Variants in ARHGAP24 observed in about 807,000 individuals in gnomAD.
The protein encoded by ARHGAP24 is rho GTPase-activating protein 24.
Under a neutral mutation model 76.4 loss-of-function variants are expected in ARHGAP24, and 50 were observed. That is an observed-to-expected ratio of 0.65 (90% CI 0.52 to 0.83). The LOEUF (loss-of-function observed/expected upper bound fraction) is 0.83. ARHGAP24 is among the 40% of genes least tolerant of loss of function. The pLI is 0.00. For missense variants in ARHGAP24, 930 were observed against 914.2 expected, an observed-to-expected ratio of 1.02 and a Z score of -0.22; for synonymous variants, 345 against 323.3, an observed-to-expected ratio of 1.07 and a Z score of -0.72.
At chr4:85,962,116 G>C (rs1226335585) in intron 5 of ARHGAP24, among the ~76,000 whole-genome samples, 1 of 152,038 alleles carries the variant, frequency 6.6e-6, no homozygotes, top group Non-Finnish European at 1.5e-5. Flanking sequence ...CACCCATTGT[G>C]CTTCAAGCCC....
In ARHGAP24 at chr4:85,852,275, C is replaced by T. The variant is rs142665990; in HGVS notation, c.269-71373C>T. ...GCTTCTGTGTGTGTCACGTAGTTCT[C>T]GTGTCATGGTTTTCAGCTCCTTCAG... On this transcript the variant is annotated intron_variant, in intron 3 of 9. Transcript: ENST00000395184. Among the ~76,000 whole-genome samples the T allele has an allele frequency of 5.0e-3, 758 of 152,322 alleles. 6 individuals carry two copies. Among genetic ancestry groups the T allele is most frequent in the African/African-American group, 0.017 (720 of 41,580 alleles).
intron 1 of ARHGAP24, among the ~76,000 whole-genome samples, chr4:85,495,334 G>A (rs1372805616): frequency 3.5e-5 from 5 of 142,120 alleles, no homozygotes; most frequent in Non-Finnish European, 6.1e-5. Context: ...AAGTACAGAA[G>A]TACAGAATTT....
intron 2 of ARHGAP24, among the ~76,000 whole-genome samples, chr4:85,679,905 G>C (rs1723136779): frequency 6.6e-6 from 1 of 152,116 alleles, no homozygotes; most frequent in African/African-American, 2.4e-5. Context: ...GGAAATAAAG[G>C]GTAGATAAGA....
intron 3 of ARHGAP24, among the ~76,000 whole-genome samples, chr4:85,745,525 A>G (rs1312511183): frequency 4.7e-5 from 7 of 149,670 alleles, no homozygotes; most frequent in African/African-American, 1.7e-4. Flanking sequence ...CAGGAGTTCA[A>G]GGCTTCAATG....
intron 2 of ARHGAP24, among the ~76,000 whole-genome samples, chr4:85,701,910 C>T (rs1177011160): frequency 3.3e-5 from 5 of 152,090 alleles, no homozygotes; most frequent in African/African-American, 9.7e-5. Flanking sequence ...AAACCATCTG[C>T]AATGTGGTCA....
chr4:85,722,526 AGGACAGCTCTGCC>A (rs1724992638), intron 3 of ARHGAP24: 2 of 158,598 alleles, frequency 1.3e-5, no homozygotes, highest in Non-Finnish European at 2.8e-5. Context: ...GGTAGAGCTG[AGGACAGCTCTGCC>A]AAGACATCAA....
chr4:85,643,716 C>G (rs896245321), intron 2 of ARHGAP24, among the ~76,000 whole-genome samples: 1 of 151,926 alleles, frequency 6.6e-6, no homozygotes, highest in Admixed American at 6.6e-5. Context: ...TTTACAAGAA[C>G]AGAGATCTTT....
chr4:85,951,124 A>C (rs1737590792), intron 5 of ARHGAP24, among the ~76,000 whole-genome samples: 1 of 152,070 alleles, frequency 6.6e-6, no homozygotes, highest in African/African-American at 2.4e-5. Context: ...TCAAGCTTGA[A>C]TCCCTTGGTC....
At position 86,000,528 on chromosome 4, in the gene ARHGAP24, G is replaced by A. The variant is rs564409087; in HGVS notation, c.2053G>A (p.Asp685Asn). 681 of 1,594,604 alleles carry A rather than the reference G, an allele frequency of 4.3e-4. 13 individuals carry two copies. The South Asian group carries it at 7.2e-3, about 17-fold the overall frequency. Residue 685 changes from aspartate (D) to asparagine (N), a missense_variant, in exon 10 of 10, where the codon GAT becomes AAT. By Grantham distance (23) the Asp-to-Asn change is conservative (BLOSUM62 1). Transcript: ENST00000395184. ...GGAAACAGAAATGATGAGCCTCCATGATGAACTGGATCAGGAGAGGAAAAA... is the reference window on the plus strand; with the variant it reads ...GGAAACAGAAATGATGAGCCTCCATAATGAACTGGATCAGGAGAGGAAAAA... The part of the protein sequence containing the change: ...TLETEMMSLH[D>N]ELDQERKKFT...
chr4:85,703,315 G>A (rs1013922486), intron 2 of ARHGAP24, among the ~76,000 whole-genome samples: 2 of 152,126 alleles, frequency 1.3e-5, no homozygotes, highest in African/African-American at 2.4e-5. Flanking sequence ...TGTGGTAGAT[G>A]TTCAGGGTAG....
chr4:85,990,425 T>C (rs1308549498), intron 8 of ARHGAP24: 2 of 151,838 alleles, frequency 1.3e-5, no homozygotes, highest in African/African-American at 4.8e-5. Context: ...TTTGTAGAGA[T>C]TGACAATCTG....
chr4:85,506,845 C>T (rs563461591), intron 1 of ARHGAP24, among the ~76,000 whole-genome samples: 15 of 152,280 alleles, frequency 9.9e-5, no homozygotes, highest in African/African-American at 3.4e-4. Flanking sequence ...CTGGGAGCTG[C>T]AGACTGGAGC....
chr4:85,744,695 T>C (rs981098980), intron 3 of ARHGAP24, among the ~76,000 whole-genome samples: 10 of 130,332 alleles, frequency 7.7e-5, no homozygotes, highest in African/African-American at 2.9e-4. Context: ...GTGACATTCC[T>C]GACTGACAGG....
intron 2 of ARHGAP24, among the ~76,000 whole-genome samples, chr4:85,672,747 G>GA (rs1421474693): frequency 2.0e-5 from 3 of 152,120 alleles, no homozygotes; most frequent in African/African-American, 7.2e-5. Context: ...GAGGACTGGG[G>GA]AAAAAACTTT....
Position 85,817,647 on chromosome 4 carries a change from T to A in ARHGAP24, c.268+95675T>A, listed in dbSNP as rs1729297394. Among the ~76,000 whole-genome samples the A allele has an allele frequency of 2.0e-5, 3 of 152,196 alleles. No individual in the cohort carries two copies. The South Asian group carries it at 6.2e-4, about 32-fold the overall frequency. On this transcript the variant is annotated intron_variant, in intron 3 of 9. Coordinates refer to ENST00000395184, the MANE Select transcript of ARHGAP24 (RefSeq NM_001025616.3). ...TTTTATTAGGACAAAGAGTTTGACA[T>A]CTGATTGTATTATGAAAACTAAGTG...
Position 85,950,621 on chromosome 4 carries a change from AT to A in ARHGAP24, c.599+8356del, listed in dbSNP as rs973096306. Among the ~76,000 whole-genome samples, 44 of 149,986 alleles carry A rather than the reference AT, an allele frequency of 2.9e-4. 1 individual carries two copies. In the South Asian group the frequency reaches 8.1e-3, roughly 27 times the overall value. ...CTGTATAACTTGGCAGATTATAATA[AT>A]TTTTTTTCTTTTTCTTTTTCTTTTA... On this transcript the variant is annotated intron_variant, in intron 5 of 9. Transcript: ENST00000395184.
chr4:85,838,910 C>A (rs937876478), intron 3 of ARHGAP24, among the ~76,000 whole-genome samples: 4 of 152,204 alleles, frequency 2.6e-5, no homozygotes, highest in African/African-American at 9.6e-5. Flanking sequence ...CCTCCAGCTG[C>A]GCTGAGCCCC....
chr4:85,532,306 T>C (rs796113217), intron 1 of ARHGAP24, among the ~76,000 whole-genome samples: 20 of 152,260 alleles, frequency 1.3e-4, no homozygotes, highest in African/African-American at 4.3e-4. Context: ...CTTCAAGGAA[T>C]GAATTCCTTA....
chr4:85,576,547 G>A (rs1244730924), intron 2 of ARHGAP24, among the ~76,000 whole-genome samples: 1 of 152,006 alleles, frequency 6.6e-6, no homozygotes, highest in Non-Finnish European at 1.5e-5. Context: ...CCAAAGCCTC[G>A]ATGAAGTATT....
Sources: gnomAD v4.1 joint callset for allele counts (sites outside exome capture counted in the v4.1 genomes callset) on GRCh38, gnomAD v4.1.1 for gene constraint, MANE v1.5 for transcripts, NCBI Gene and HGNC (gene_info 2026-07-23, HGNC 2026-07-21) for gene names.